SDK2: variants seen among roughly 807,000 people sequenced by gnomAD.
SDK2 encodes protein sidekick-2.
In SDK2, 105 loss-of-function variants were observed where a neutral mutation model predicts 253.9. The ratio of observed to expected loss-of-function variants is 0.41; its 90% CI spans 0.35 to 0.49. The LOEUF is 0.49. Among genes scored for constraint, SDK2 ranks in the 20% least tolerant of loss-of-function variants. The pLI is 0.06. For synonymous variants in SDK2, 1,249 were observed against 1,234.9 expected, an observed-to-expected ratio of 1.01 and a Z score of -0.24; for missense variants, 2,608 against 3,003.0, an observed-to-expected ratio of 0.87 and a Z score of 3.07.
rs141061660 is a variant in SDK2 at position 73,431,527 on chromosome 17, C to T, written c.1455G>A (p.Glu485=). 8.7e-6 allele frequency: 14 copies of T among 1,613,576 alleles called. No individual in the cohort carries two copies. The African/African-American group carries it at 1.7e-4, about 20-fold the overall frequency. Residue 485 remains glutamate (E), a synonymous_variant, in exon 11 of 45, where the codon GAG becomes GAA. Coordinates refer to ENST00000392650, the MANE Select transcript of SDK2 (RefSeq NM_001144952.2). This position sits in a 1 kb window ranked among gnomAD's most constrained non-coding sequence, Gnocchi z 5.6. ...CLATNSRGVD[E]ASADLVVWAR... The stretch of plus-strand genomic sequence containing the variant: ...CCCAAACGACTAGGTCTGCTGAGGC[C>T]TCATCGACCCCCCGAGAGTTGGTGG...
chr17:73,482,541 C>T (rs560603847), intron 2 of SDK2, among the ~76,000 whole-genome samples: 1 of 152,212 alleles, frequency 6.6e-6, no homozygotes, highest in Non-Finnish European at 1.5e-5. Flanking sequence ...GAGAGGATGG[C>T]GGTGTTATCG....
rs1404428550 is a variant in SDK2 at position 73,541,532 on chromosome 17, T to C, written c.65-33935A>G. Among the ~76,000 whole-genome samples the C allele has an allele frequency of 6.6e-6, 1 of 150,612 alleles. No individual in the cohort carries two copies. Among genetic ancestry groups the C allele is most frequent in the Non-Finnish European group, 1.5e-5 (1 of 67,574 alleles). On this transcript the variant is annotated intron_variant, in intron 1 of 44. Coordinates refer to ENST00000392650, the MANE Select transcript of SDK2 (RefSeq NM_001144952.2). This position sits in a 1 kb window ranked among gnomAD's most constrained non-coding sequence, Gnocchi z 4.3. ...TCACAGACAAGGACCCCGAGATAGG[T>C]AGAGGGGTGAGTGCCCGTGGTCTAC...
At position 73,435,478 on chromosome 17, in the gene SDK2, C is replaced by T. The variant is rs753958354; in HGVS notation, c.1167G>A (p.Val389=). ...QCFARNAAGE[V]QTSTYLAVTS... is the part of the protein sequence containing the mutation. Reference sequence around the variant, plus strand: ...TGACAGCCAGGTAGGTGGAAGTTTGCACCTCGCCGGCTGCATTGCGGGCGA... The same window carrying T: ...TGACAGCCAGGTAGGTGGAAGTTTGTACCTCGCCGGCTGCATTGCGGGCGA... Residue 389 remains valine, a synonymous_variant, in exon 9 of 45, where the codon GTG becomes GTA. Transcript: ENST00000392650. The surrounding 1 kb of genome is among the most constrained non-coding windows in gnomAD (Gnocchi z 5.7). 1.9e-6 allele frequency: 3 copies of T among 1,597,156 alleles called. No homozygotes were observed. The highest frequency in any genetic ancestry group is 2.6e-6 in the Non-Finnish European group (3 of 1,172,046).
chr17:73,597,236 C>T (rs977657358), intron 1 of SDK2, among the ~76,000 whole-genome samples: 3 of 152,170 alleles, frequency 2.0e-5, no homozygotes, highest in Non-Finnish European at 4.4e-5. Flanking sequence ...GCTGGCTACC[C>T]AGCACCCCAC....
At position 73,352,686 on chromosome 17, in the gene SDK2, A is replaced by T. The variant is rs776749969; in HGVS notation, c.5594-49T>A. On this transcript the variant is annotated intron_variant, in intron 40 of 44. Coordinates refer to ENST00000392650, the MANE Select transcript of SDK2 (RefSeq NM_001144952.2). The surrounding 1 kb of genome is among the most constrained non-coding windows in gnomAD (Gnocchi z 4.1). ...CCCTGGGAGGTGAGGGGAAGCCCCA[A>T]ATCCCGCTCCCAGCCCCGTTCTGAC... 3.8e-6 allele frequency: 6 copies of T among 1,594,734 alleles called. No individual in the cohort carries two copies. The highest frequency in any genetic ancestry group is 1.7e-6 in the Non-Finnish European group (2 of 1,164,748).
intron 44 of SDK2, among the ~76,000 whole-genome samples, chr17:73,346,955 C>A (rs1379011481): frequency 6.6e-6 from 1 of 152,200 alleles, no homozygotes; most frequent in Non-Finnish European, 1.5e-5. Context: ...CCCATCAGCC[C>A]CCACTTGAAG....
intron 5 of SDK2, among the ~76,000 whole-genome samples, chr17:73,445,617 G>A (rs750009244): frequency 1.2e-4 from 18 of 152,124 alleles, no homozygotes; most frequent in Admixed American, 2.0e-4. Flanking sequence ...GAGAGCAGAC[G>A]GAGGGGTGAG....
chr17:73,483,509 GT>G (rs1567798784), intron 2 of SDK2, among the ~76,000 whole-genome samples: 15 of 48,896 alleles, frequency 3.1e-4, no homozygotes, highest in Admixed American at 5.2e-4. Context: ...GTGTGTGTGT[GT>G]ATGTGTGTGT....
At position 73,361,703 on chromosome 17, in the gene SDK2, G is replaced by A. The variant is rs2062641936; in HGVS notation, c.5448C>T (p.Val1816=). ...TCCTACCTTCTCCGGGGCCCGTGGT[G>A]ACGTTGGCTTCGATCTCCGGCCCGT... ...FTYGPEIEAN[V]TTGPGEGAPG... Residue 1816 remains valine (V), a synonymous_variant, in exon 39 of 45, where the codon GTC becomes GTT. Coordinates refer to ENST00000392650, the MANE Select transcript of SDK2 (RefSeq NM_001144952.2). This position sits in a 1 kb window ranked among gnomAD's most constrained non-coding sequence, Gnocchi z 4.1. The A allele has an allele frequency of 1.2e-6, 2 of 1,611,884 alleles. No individual in the cohort carries two copies.
chr17:73,638,203 T>C (rs988829792), intron 1 of SDK2, among the ~76,000 whole-genome samples: 8 of 152,170 alleles, frequency 5.3e-5, no homozygotes, highest in South Asian at 2.1e-4. Context: ...CCGTGGGCTG[T>C]ATGCCTCCAG....
intron 18 of SDK2, among the ~76,000 whole-genome samples, chr17:73,406,363 C>A (rs2063079164): frequency 6.6e-6 from 1 of 151,912 alleles, no homozygotes; most frequent in African/African-American, 2.4e-5. Context: ...CTTGCCTCAG[C>A]CTCCTGAATA....
intron 1 of SDK2, among the ~76,000 whole-genome samples, chr17:73,607,693 C>A (rs115526219): frequency 6.6e-6 from 1 of 152,062 alleles, no homozygotes; most frequent in African/African-American, 2.4e-5. Flanking sequence ...GGTTGCAGGG[C>A]AGGCTTGGGA....
chr17:73,620,350 A>T (rs572817104), intron 1 of SDK2, among the ~76,000 whole-genome samples: 2 of 152,250 alleles, frequency 1.3e-5, no homozygotes, highest in Non-Finnish European at 2.9e-5. Flanking sequence ...CACACCCACC[A>T]GGTCAGCTAT....
Position 73,631,621 on chromosome 17 carries a change from A to G in SDK2, c.64+12404T>C, listed in dbSNP as rs1440439947. ...TGGGTAAGCAGGCGGGCTGCTGACC[A>G]GAAACCCTGGTGGGGGACTGGGTGG... On this transcript the variant is annotated intron_variant, in intron 1 of 44. Coordinates refer to ENST00000392650, the MANE Select transcript of SDK2 (RefSeq NM_001144952.2). Among the ~76,000 whole-genome samples, 3 of 152,262 alleles carry G rather than the reference A, an allele frequency of 2.0e-5. No individual in the cohort carries two copies. The East Asian group carries it at 5.8e-4, about 29-fold the overall frequency.
chr17:73,412,300 G>A (rs1176382908), intron 18 of SDK2, among the ~76,000 whole-genome samples: 1 of 147,966 alleles, frequency 6.8e-6, no homozygotes, highest in Non-Finnish European at 1.5e-5. Context: ...ATATATGTGT[G>A]TATATATATA....
Position 73,368,593 on chromosome 17 carries a change from T to C in SDK2, c.4981A>G (p.Ile1661Val), listed in dbSNP as rs1031095260. 1 of 1,571,600 alleles carries C rather than the reference T, an allele frequency of 6.4e-7. No individual in the cohort carries two copies. Among genetic ancestry groups the C allele is most frequent in the South Asian group, 1.2e-5 (1 of 84,290 alleles). ...CCCCGCTGGGCTTCCCAGAAATAAA[T>C]CTGTGGGAACAGAAGGATGTGGGAG... ...SQNGDIQGYK[I>V]YFWEAQRGNL... Residue 1661 changes from isoleucine (I) to valine (V), a missense_variant and splice_region_variant, in exon 37 of 45, where the codon ATT becomes GTT. Coordinates refer to ENST00000392650, the MANE Select transcript of SDK2 (RefSeq NM_001144952.2).
chr17:73,558,041 C>T (rs971864024), intron 1 of SDK2, among the ~76,000 whole-genome samples: 11 of 152,250 alleles, frequency 7.2e-5, no homozygotes, highest in Non-Finnish European at 1.2e-4. Context: ...GCTCTATCCC[C>T]CTTTGTCCTG....
chr17:73,405,312 C>T (rs80080813), intron 18 of SDK2, among the ~76,000 whole-genome samples: 2 of 126,290 alleles, frequency 1.6e-5, no homozygotes, highest in Non-Finnish European at 1.7e-5. Context: ...TGGTGGCTGG[C>T]GCCTGTAATC....
At chr17:73,456,164 G>T in intron 3 of SDK2, 111 bp from the exon 4 acceptor site, 1 of 1,223,366 alleles carries the variant, frequency 8.2e-7, no homozygotes, top group South Asian at 1.7e-5. Context: ...GGGCAGACAG[G>T]ATGACCACAG....
Sources: gnomAD v4.1 joint callset for allele counts (sites outside exome capture counted in the v4.1 genomes callset) on GRCh38, gnomAD v4.1.1 for gene constraint, Gnocchi (gnomAD v3.1) non-coding constraint, MANE v1.5 for transcripts, NCBI Gene and HGNC (gene_info 2026-07-23, HGNC 2026-07-21) for gene names.